Variants in NSMCE2 observed in about 807,000 individuals in gnomAD.
The protein encoded by NSMCE2 is NSE2 SUMO ligase component of SMC5/6 complex, also known as E3 SUMO-protein ligase NSE2.
Under a neutral mutation model 23.8 loss-of-function variants are expected in NSMCE2, and 24 were observed. That is an observed-to-expected ratio of 1.01 (90% CI 0.73 to 1.42). The LOEUF is 1.42. Ranked by LOEUF, NSMCE2 falls within the 40% of genes most tolerant of loss-of-function variation. The probability of loss-of-function intolerance (pLI) is 0.00; values close to 1 mark genes in which losing one functional copy is unlikely to be tolerated. For missense variants in NSMCE2, 284 were observed against 296.5 expected (o/e 0.96, Z 0.31); for synonymous variants, 92 against 94.1 (o/e 0.98, Z 0.13).
At chr8:125,224,360 A>G (rs1434804996) in intron 5 of NSMCE2, among the ~76,000 whole-genome samples, 2 of 152,070 alleles carry the variant, frequency 1.3e-5, no homozygotes, top group East Asian at 1.9e-4. Context: ...TTGGGGTCAT[A>G]TTTAGGAAAT....
chr8:125,187,846 T>G (rs1823173853), intron 5 of NSMCE2, among the ~76,000 whole-genome samples: 1 of 152,192 alleles, frequency 6.6e-6, no homozygotes, highest in Non-Finnish European at 1.5e-5. Flanking sequence ...GTTAGTATAT[T>G]TAAATGCTAA....
chr8:125,293,799 T>G (rs188298728), intron 5 of NSMCE2, among the ~76,000 whole-genome samples: 25 of 152,350 alleles, frequency 1.6e-4, no homozygotes, highest in Middle Eastern at 3.4e-3. Context: ...TATAACAGTT[T>G]TATTAAGATG....
chr8:125,236,062 TC>T (rs1372025031), intron 5 of NSMCE2, among the ~76,000 whole-genome samples: 3 of 152,138 alleles, frequency 2.0e-5, no homozygotes, highest in Admixed American at 1.3e-4. Context: ...TAAGAAAACA[TC>T]CTCAGAGCAG....
intron 5 of NSMCE2, among the ~76,000 whole-genome samples, chr8:125,334,337 C>T (rs1829995139): frequency 6.6e-6 from 1 of 152,068 alleles, no homozygotes; most frequent in South Asian, 2.1e-4. Flanking sequence ...AAGTGAGTTA[C>T]CCAGATAATG....
intron 5 of NSMCE2, among the ~76,000 whole-genome samples, chr8:125,294,292 T>G (rs1292442336): frequency 6.6e-6 from 1 of 152,212 alleles, no homozygotes; most frequent in East Asian, 1.9e-4. Context: ...ACATTTGTTT[T>G]TATTTCCATT....
intron 4 of NSMCE2, among the ~76,000 whole-genome samples, chr8:125,161,072 T>C (rs1052230492): frequency 1.3e-5 from 2 of 152,296 alleles, no homozygotes; most frequent in Non-Finnish European, 2.9e-5. Flanking sequence ...TTCAAGCCCC[T>C]GTGTGAGTTT....
chr8:125,122,471 A>G (rs1171832120), intron 3 of NSMCE2, among the ~76,000 whole-genome samples: 3 of 152,180 alleles, frequency 2.0e-5, no homozygotes, highest in Admixed American at 6.5e-5. Flanking sequence ...TATACTCTAT[A>G]TACTCCAGTC....
chr8:125,098,568 A>C (rs1478628548), intron 1 of NSMCE2, among the ~76,000 whole-genome samples: 1 of 152,146 alleles, frequency 6.6e-6, no homozygotes, highest in Non-Finnish European at 1.5e-5. Flanking sequence ...TAATTCAGGC[A>C]AGAGATGATG....
chr8:125,168,975 G>A (rs931213036), intron 4 of NSMCE2, among the ~76,000 whole-genome samples: 4 of 152,114 alleles, frequency 2.6e-5, no homozygotes, highest in African/African-American at 9.7e-5. Flanking sequence ...TGTAGATGAG[G>A]AAGCTAGGGC....
At chr8:125,310,384 A>G (rs1276124509) in intron 5 of NSMCE2, among the ~76,000 whole-genome samples, 1 of 152,200 alleles carries the variant, frequency 6.6e-6, no homozygotes, top group East Asian at 1.9e-4. Flanking sequence ...ATGGAAATTC[A>G]AAGAAAGAAT....
At chr8:125,311,332 GAAATCT>G (rs1198210451) in intron 5 of NSMCE2, among the ~76,000 whole-genome samples, 1 of 152,028 alleles carries the variant, frequency 6.6e-6, no homozygotes, top group Non-Finnish European at 1.5e-5. Context: ...AATCTTTGTA[GAAATCT>G]GTAAAAAAAA....
intron 5 of NSMCE2, among the ~76,000 whole-genome samples, chr8:125,242,314 C>A (rs1825793876): frequency 6.6e-6 from 1 of 151,850 alleles, no homozygotes; most frequent in South Asian, 2.1e-4. Context: ...GGAAGAAAAG[C>A]AATATGGCAG....
chr8:125,276,821 T>C (rs1827467028), intron 5 of NSMCE2, among the ~76,000 whole-genome samples: 2 of 152,200 alleles, frequency 1.3e-5, no homozygotes, highest in Admixed American at 6.5e-5. Flanking sequence ...GTGGAAGAGC[T>C]TCCTGTTTTT....
chr8:125,309,491 T>TG (rs1563775887), intron 5 of NSMCE2, among the ~76,000 whole-genome samples: 1 of 151,952 alleles, frequency 6.6e-6, no homozygotes, highest in Admixed American at 6.6e-5. Flanking sequence ...GGGAGGCCAA[T>TG]GGGGGAGGAT....
intron 3 of NSMCE2, among the ~76,000 whole-genome samples, chr8:125,145,672 C>G (rs1820637587): frequency 6.6e-6 from 1 of 152,150 alleles, no homozygotes; most frequent in Non-Finnish European, 1.5e-5. Flanking sequence ...TCGGGGGAGT[C>G]AAATGTGTGG....
intron 5 of NSMCE2, among the ~76,000 whole-genome samples, chr8:125,341,338 T>C (rs1830236057): frequency 6.6e-6 from 1 of 152,198 alleles, no homozygotes; most frequent in African/African-American, 2.4e-5. Context: ...TATTTTCCTG[T>C]AGAGTTCATA....
intron 5 of NSMCE2, among the ~76,000 whole-genome samples, chr8:125,247,107 T>C (rs569271027): frequency 6.6e-6 from 1 of 151,862 alleles, no homozygotes; most frequent in East Asian, 1.9e-4. Context: ...TGGGGCAGGA[T>C]TGCTTGAGCC....
intron 5 of NSMCE2, among the ~76,000 whole-genome samples, chr8:125,221,113 G>T (rs539639596): frequency 6.6e-6 from 1 of 152,146 alleles, no homozygotes; most frequent in African/African-American, 2.4e-5. Context: ...ATATAAATGA[G>T]TTTTTCATAT....
At chr8:125,112,393 G>C (rs183715692) in intron 3 of NSMCE2, among the ~76,000 whole-genome samples, 7 of 152,292 alleles carry the variant, frequency 4.6e-5, no homozygotes, top group Admixed American at 3.9e-4. Context: ...TCCCAGTAAT[G>C]GGTATGTATC....
Sources: gnomAD v4.1 joint callset for allele counts (sites outside exome capture counted in the v4.1 genomes callset) on GRCh38, gnomAD v4.1.1 for gene constraint, MANE v1.5 for transcripts, NCBI Gene and HGNC (gene_info 2026-07-23, HGNC 2026-07-21) for gene names.